CCDC158: variants seen among roughly 807,000 people sequenced by gnomAD.
The protein encoded by CCDC158 is coiled-coil domain-containing protein 158.
In CCDC158, 116 loss-of-function variants were observed where a neutral mutation model predicts 138.6. The ratio of observed to expected loss-of-function variants is 0.84; its 90% CI spans 0.72 to 0.98. CCDC158 has a LOEUF of 0.98. CCDC158 is among the 50% of genes least tolerant of loss of function. The probability of loss-of-function intolerance (pLI) is 0.00; values close to 1 mark genes in which losing one functional copy is unlikely to be tolerated. For missense variants in CCDC158, 1,265 were observed against 1,306.1 expected (o/e 0.97, Z 0.48); for synonymous variants, 436 against 442.4 (o/e 0.99, Z 0.18).
intron 2 of CCDC158, among the ~76,000 whole-genome samples, chr4:76,408,178 GTA>G (rs958501389): frequency 8.1e-5 from 12 of 148,304 alleles, no homozygotes; most frequent in South Asian, 2.1e-4. Flanking sequence ...ATACATATAT[GTA>G]TATATATATA....
At chr4:76,421,182 G>A (rs1055895949), upstream of CCDC158, among the ~76,000 whole-genome samples, 17 of 152,004 alleles carry the variant, frequency 1.1e-4, no homozygotes, top group East Asian at 1.6e-3. Context: ...CGCTCGGGGC[G>A]CTGCCCAGTC....
At chr4:76,373,147 C>A (rs1449454861) in intron 9 of CCDC158, among the ~76,000 whole-genome samples, 3 of 152,208 alleles carry the variant, frequency 2.0e-5, no homozygotes, top group Non-Finnish European at 4.4e-5. Context: ...CCGCGCCCGG[C>A]CTCTATAGTT....
intron 4 of CCDC158, among the ~76,000 whole-genome samples, chr4:76,389,438 G>T (rs575210929): frequency 1.1e-4 from 17 of 152,028 alleles, no homozygotes; most frequent in African/African-American, 4.1e-4. Context: ...AAAAAGAAAA[G>T]AAAACAATGA....
intron 18 of CCDC158, among the ~76,000 whole-genome samples, chr4:76,348,289 G>C (rs1722749187): frequency 1.4e-5 from 2 of 139,306 alleles, no homozygotes; most frequent in South Asian, 4.7e-4. Context: ...AAAAAAATTA[G>C]CCAGGCGAGG....
At chr4:76,358,632 T>G (rs1723818168) in intron 13 of CCDC158, among the ~76,000 whole-genome samples, 1 of 152,194 alleles carries the variant, frequency 6.6e-6, no homozygotes, top group Non-Finnish European at 1.5e-5. Context: ...GGAATGTCCC[T>G]TGCACCCCTT....
chr4:76,369,961 T>C (rs1725078815), intron 10 of CCDC158, among the ~76,000 whole-genome samples: 4 of 152,010 alleles, frequency 2.6e-5, no homozygotes, highest in African/African-American at 9.7e-5. Context: ...GCTCCTATAA[T>C]AAAGAAATGC....
chr4:76,387,069 T>C, intron 4 of CCDC158, among the ~76,000 whole-genome samples: 1 of 152,182 alleles, frequency 6.6e-6, no homozygotes, highest in Admixed American at 6.5e-5. Flanking sequence ...GGGTGGCATG[T>C]GACCTAAGGA....
chr4:76,415,122 T>G (rs1729588541), intron 1 of CCDC158, among the ~76,000 whole-genome samples: 1 of 152,184 alleles, frequency 6.6e-6, no homozygotes, highest in Non-Finnish European at 1.5e-5. Flanking sequence ...TGTTGGGAAC[T>G]AGAGTAAAGT....
At chr4:76,371,867 G>A (rs1283824565) in intron 9 of CCDC158, among the ~76,000 whole-genome samples, 2 of 151,554 alleles carry the variant, frequency 1.3e-5, no homozygotes, top group African/African-American at 4.9e-5. Flanking sequence ...GGACCCGGGA[G>A]GCAGAGGTTG....
intron 9 of CCDC158, among the ~76,000 whole-genome samples, chr4:76,372,501 T>C (rs1371827335): frequency 6.6e-6 from 1 of 152,192 alleles, no homozygotes; most frequent in African/African-American, 2.4e-5. Flanking sequence ...ATAAATGAAC[T>C]GTATTGTACT....
intron 8 of CCDC158, among the ~76,000 whole-genome samples, chr4:76,381,069 C>T (rs565989469): frequency 1.3e-5 from 2 of 152,326 alleles, no homozygotes; most frequent in East Asian, 1.9e-4. Flanking sequence ...GATGTCCAGG[C>T]AGACATCTGC....
chr4:76,416,068 G>A (rs562886000), intron 1 of CCDC158, among the ~76,000 whole-genome samples: 2 of 152,306 alleles, frequency 1.3e-5, no homozygotes, highest in African/African-American at 4.8e-5. Flanking sequence ...CTGCCTTTTA[G>A]ATAGCAGTAG....
intron 12 of CCDC158, among the ~76,000 whole-genome samples, chr4:76,363,111 A>G (rs1310240596): frequency 6.6e-6 from 1 of 152,154 alleles, no homozygotes; most frequent in African/African-American, 2.4e-5. Context: ...TGTGCAAACA[A>G]TGTGTTCATG....
chr4:76,323,507 A>T (rs1441258793), intron 23 of CCDC158, 98 bp from the exon 24 acceptor site: 2 of 905,454 alleles, frequency 2.2e-6, no homozygotes, highest in African/African-American at 1.7e-5. Context: ...CTTTAAAATA[A>T]AGGGAACTTT....
chr4:76,359,047 G>A (rs1214458726), intron 13 of CCDC158, among the ~76,000 whole-genome samples: 1 of 152,122 alleles, frequency 6.6e-6, no homozygotes, highest in African/African-American at 2.4e-5. Flanking sequence ...GTGACAGTGT[G>A]TGAGTTCTCA....
intron 12 of CCDC158, 124 bp from the exon 13 acceptor site, chr4:76,362,439 G>T: frequency 3.5e-6 from 2 of 575,902 alleles, no homozygotes; most frequent in Non-Finnish European, 5.9e-6. Flanking sequence ...ATCCTTTTCT[G>T]CCTCCTATCT....
chr4:76,323,458 C>T (rs1344508411), intron 23 of CCDC158, 49 bp from the exon 24 acceptor site: 1 of 1,368,016 alleles, frequency 7.3e-7, no homozygotes, highest in Non-Finnish European at 1.0e-6. Context: ...CTCAACATTT[C>T]CTTTTAGAAA....
chr4:76,322,087 A>G (rs1475547772), intron 24 of CCDC158, among the ~76,000 whole-genome samples: 1 of 152,018 alleles, frequency 6.6e-6, no homozygotes, highest in Non-Finnish European at 1.5e-5. Context: ...AGAAATCACC[A>G]CTAAAGAACT....
At chr4:76,380,836 A>G (rs1579030004) in intron 8 of CCDC158, among the ~76,000 whole-genome samples, 2 of 152,326 alleles carry the variant, frequency 1.3e-5, no homozygotes, top group East Asian at 3.9e-4. Flanking sequence ...GGCCCTCTCT[A>G]TCGCTCTGTG....
Sources: gnomAD v4.1 joint callset for allele counts (sites outside exome capture counted in the v4.1 genomes callset) on GRCh38, gnomAD v4.1.1 for gene constraint, MANE v1.5 for transcripts, NCBI Gene and HGNC (gene_info 2026-07-23, HGNC 2026-07-21) for gene names.